The following ACTR1A variants were observed in gnomAD, a reference collection of about 807,000 sequenced individuals.
The protein encoded by ACTR1A is alpha-centractin.
Under a neutral mutation model 50.7 loss-of-function variants are expected in ACTR1A, and 10 were observed. The ratio of observed to expected loss-of-function variants is 0.20; its 90% CI spans 0.12 to 0.33. The LOEUF is 0.33. Among genes scored for constraint, ACTR1A ranks in the 10% least tolerant of loss-of-function variants. The pLI, the probability that ACTR1A is intolerant of heterozygous loss-of-function variation, is 1.00. For missense variants in ACTR1A, 253 were observed against 491.7 expected (o/e 0.51, Z 4.59); for synonymous variants, 177 against 184.2 (o/e 0.96, Z 0.32).
chr10:102,494,165 G>T (rs1387351113), intron 1 of ACTR1A, among the ~76,000 whole-genome samples: 1 of 152,222 alleles, frequency 6.6e-6, no homozygotes, highest in African/African-American at 2.4e-5. Context: ...ATTCACTCTG[G>T]CAAGGCCAAA....
rs2062135184 is a variant in ACTR1A, at chr10:102,480,788, C to T, written c.*75G>A. 6 of 1,261,540 alleles carry T rather than the reference C, an allele frequency of 4.8e-6. No individual in the cohort carries two copies. In the South Asian group the frequency reaches 4.8e-5, roughly 10 times the overall value. 78.1% of individuals were successfully genotyped at this position (1,261,540 alleles called of 1,614,324 possible). On this transcript the variant is annotated 3_prime_UTR_variant, in exon 11 of 11. Transcript: ENST00000369905. ...GCACTCACACACAGGCAGTTCCTCG[C>T]AAACACTCCGACTCAAGAAAGCGAG...
intron 1 of ACTR1A, among the ~76,000 whole-genome samples, chr10:102,495,525 C>G (rs1311503230): frequency 6.7e-6 from 1 of 149,468 alleles, no homozygotes; most frequent in Non-Finnish European, 1.5e-5. Flanking sequence ...GCAGACATTG[C>G]GCGACTGCAC....
intron 1 of ACTR1A, among the ~76,000 whole-genome samples, chr10:102,491,342 G>C (rs1039480004): frequency 3.3e-5 from 5 of 152,176 alleles, no homozygotes; most frequent in Non-Finnish European, 5.9e-5. Flanking sequence ...TACTTTCCCA[G>C]CTCAGGCCTG....
rs141458330 is a variant in ACTR1A at position 102,487,190 on chromosome 10, T to C, written c.315+960A>G. Among the ~76,000 whole-genome samples, 23 of 152,088 alleles carry C rather than the reference T, an allele frequency of 1.5e-4. No individual in the cohort carries two copies. The East Asian group carries it at 4.5e-3, about 29-fold the overall frequency. On this transcript the variant is annotated intron_variant, in intron 4 of 10. Transcript: ENST00000369905. ...CAGCACTTTGAGAGGTGGAGGCGGA[T>C]AGATTGCCTGAACCCAGGAGTTCGA...
chr10:102,497,665 A>C (rs933698275), intron 1 of ACTR1A, among the ~76,000 whole-genome samples: 1 of 151,904 alleles, frequency 6.6e-6, no homozygotes, highest in African/African-American at 2.4e-5. Flanking sequence ...TTTTTTTTTA[A>C]AGAGATGGGG....
chr10:102,502,489 G>A, intron 1 of ACTR1A, 111 bp downstream of exon 1: 4 of 1,233,252 alleles, frequency 3.2e-6, no homozygotes, highest in Non-Finnish European at 4.7e-6. Flanking sequence ...GAACGCGCCT[G>A]ACAGGCCGGG....
Position 102,482,328 on chromosome 10 carries a change from G to C in ACTR1A, c.751-153C>G. 1.4e-6 allele frequency: 1 copy of C among 700,302 alleles called. No homozygotes were observed. The allele number at this position is 700,302 out of a possible 1,614,324, so 43.4% of individuals were successfully genotyped here. Reference sequence around the variant, plus strand: ...GACTCTACATGTCAAGGGCTTAAAGGAACAAAGATAGGCCTCCTGGAAACT... The same window carrying C: ...GACTCTACATGTCAAGGGCTTAAAGCAACAAAGATAGGCCTCCTGGAAACT... On this transcript the variant is annotated intron_variant, in intron 7 of 10. Transcript: ENST00000369905. The surrounding 1 kb of genome is among the most constrained non-coding windows in gnomAD (Gnocchi z 5.6).
rs2135583223 is a variant in ACTR1A, at chr10:102,488,074, C to T, written c.315+76G>A. The T allele has an allele frequency of 6.5e-7, 1 of 1,534,916 alleles. No individual in the cohort carries two copies. Among genetic ancestry groups the T allele is most frequent in the South Asian group, 1.2e-5 (1 of 85,136 alleles). ...CACTCTTGGCAGTGATCATCGTCCT[C>T]CTCATCATCTCTAGGGTAGGAGTTT... On this transcript the variant is annotated intron_variant, in intron 4 of 10. Transcript: ENST00000369905. The surrounding 1 kb of genome is among the most constrained non-coding windows in gnomAD (Gnocchi z 4.4).
At chr10:102,501,017 G>A (rs1393523747) in intron 1 of ACTR1A, among the ~76,000 whole-genome samples, 2 of 151,582 alleles carry the variant, frequency 1.3e-5, no homozygotes, top group Non-Finnish European at 2.9e-5. Context: ...GCTGCAGTGA[G>A]CTGTGATCGC....
At chr10:102,487,363 T>C (rs2062173836) in intron 4 of ACTR1A, among the ~76,000 whole-genome samples, 1 of 151,926 alleles carries the variant, frequency 6.6e-6, no homozygotes, top group South Asian at 2.1e-4. Flanking sequence ...GCAGTGAGCC[T>C]AGATCACGCC....
At chr10:102,492,321 G>A (rs1336932837) in intron 1 of ACTR1A, among the ~76,000 whole-genome samples, 5 of 151,804 alleles carry the variant, frequency 3.3e-5, no homozygotes, top group East Asian at 3.9e-4. Flanking sequence ...CACCTGCCTC[G>A]GCCTCCCAAA....
intron 1 of ACTR1A, among the ~76,000 whole-genome samples, chr10:102,500,327 T>TG (rs1389355554): frequency 5.3e-5 from 8 of 151,764 alleles, no homozygotes; most frequent in African/African-American, 1.9e-4. Flanking sequence ...ACCAGCACTT[T>TG]GGGAGGCCGA....
intron 2 of ACTR1A, 43 bp downstream of exon 2, chr10:102,490,506 A>C: frequency 6.5e-7 from 1 of 1,544,060 alleles, no homozygotes; most frequent in Non-Finnish European, 9.0e-7. Context: ...CCTGTAACAA[A>C]GCTGATGAGC....
chr10:102,481,968 T>C (rs1307252326), intron 8 of ACTR1A, 33 bp downstream of exon 8: 1 of 1,613,896 alleles, frequency 6.2e-7, no homozygotes, highest in Admixed American at 1.7e-5. Flanking sequence ...GCTGAACACT[T>C]CCAGGGGAAG....
At position 102,488,063 on chromosome 10, in the gene ACTR1A, A is replaced by T; in HGVS notation, c.315+87T>A. The stretch of plus-strand genomic sequence containing the variant: ...AATGGCTCCAGCACTCTTGGCAGTG[A>T]TCATCGTCCTCCTCATCATCTCTAG... On this transcript the variant is annotated intron_variant, in intron 4 of 10. Coordinates refer to ENST00000369905, the MANE Select transcript of ACTR1A (RefSeq NM_005736.4). The surrounding 1 kb of genome is among the most constrained non-coding windows in gnomAD (Gnocchi z 4.4). 6.7e-7 allele frequency: 1 copy of T among 1,499,092 alleles called. No individual in the cohort carries two copies. Among genetic ancestry groups the T allele is most frequent in the Non-Finnish European group, 9.1e-7 (1 of 1,093,098 alleles). 92.9% of individuals were successfully genotyped at this position (1,499,092 alleles called of 1,614,324 possible).
intron 1 of ACTR1A, among the ~76,000 whole-genome samples, chr10:102,493,944 C>T (rs2135587133): frequency 6.6e-6 from 1 of 152,310 alleles, no homozygotes; most frequent in East Asian, 1.9e-4. Context: ...GGAACCAGAC[C>T]CAGCGTGTCC....
At chr10:102,500,874 A>G (rs1259416804) in intron 1 of ACTR1A, among the ~76,000 whole-genome samples, 1 of 151,928 alleles carries the variant, frequency 6.6e-6, no homozygotes. Context: ...GGAGTTTGAG[A>G]CCAGCCTGGA....
chr10:102,493,090 C>G (rs1322829830), intron 1 of ACTR1A, among the ~76,000 whole-genome samples: 1 of 149,810 alleles, frequency 6.7e-6, no homozygotes, highest in Non-Finnish European at 1.5e-5. Context: ...TCTAAGGGAG[C>G]AGGAATCTTT....
intron 2 of ACTR1A, among the ~76,000 whole-genome samples, chr10:102,489,632 G>T (rs2062183157): frequency 6.6e-6 from 1 of 152,000 alleles, no homozygotes; most frequent in African/African-American, 2.4e-5. Flanking sequence ...TGGCCAACAT[G>T]GTGAAACCCC....
Sources: allele counts gnomAD v4.1 joint callset (sites outside exome capture counted in the v4.1 genomes callset), GRCh38; gene constraint gnomAD v4.1.1; non-coding constraint Gnocchi (gnomAD v3.1); transcripts MANE v1.5; gene names NCBI Gene and HGNC (gene_info 2026-07-23, HGNC 2026-07-21).